Variants in C18orf63 observed in about 807,000 individuals in gnomAD.
C18orf63 encodes the protein chromosome 18 open reading frame 63.
In C18orf63, 50 loss-of-function variants were observed where a neutral mutation model predicts 75.3. That is an observed-to-expected ratio of 0.66 (90% CI 0.53 to 0.84). The LOEUF (loss-of-function observed/expected upper bound fraction) is 0.84, where lower values mean the gene tolerates loss of function less well. Among genes scored for constraint, C18orf63 ranks in the 40% least tolerant of loss-of-function variants. The pLI is 0.00. For missense variants in C18orf63, 732 were observed against 800.2 expected (o/e 0.91, Z 1.03); for synonymous variants, 232 against 267.6 (o/e 0.87, Z 1.30).
chr18:74,324,200 G>A (rs944529664), intron 4 of C18orf63, among the ~76,000 whole-genome samples: 13 of 152,310 alleles, frequency 8.5e-5, no homozygotes, highest in South Asian at 4.1e-4. Flanking sequence ...GTTTTGAACC[G>A]TGTGGTAGTA....
At chr18:74,329,373 C>CAAAAAAAA (rs5826314) in intron 6 of C18orf63, among the ~76,000 whole-genome samples, 1 of 94,326 alleles carries the variant, frequency 1.1e-5, no homozygotes, top group Non-Finnish European at 2.2e-5. Context: ...GACCCTATTT[C>CAAAAAAAA]AAAAAAAAAA....
chr18:74,341,642 G>T (rs923360131), intron 8 of C18orf63, among the ~76,000 whole-genome samples: 3 of 150,424 alleles, frequency 2.0e-5, no homozygotes, highest in African/African-American at 7.3e-5. Context: ...AGCTGAGATC[G>T]CACCACTGCC....
intron 10 of C18orf63, among the ~76,000 whole-genome samples, chr18:74,342,778 T>C (rs1455711727): frequency 2.0e-5 from 3 of 152,158 alleles, no homozygotes; most frequent in African/African-American, 7.2e-5. Flanking sequence ...TTGCACCCCA[T>C]TGACTTAAGA....
At chr18:74,318,089 C>T (rs1984057163) in intron 2 of C18orf63, 90 bp downstream of exon 2, 4 of 740,470 alleles carry the variant, frequency 5.4e-6, no homozygotes, top group Non-Finnish European at 7.7e-6. Context: ...GCAAAATACT[C>T]ATTCACTCAA....
chr18:74,323,086 GA>G (rs1984151985), intron 4 of C18orf63, among the ~76,000 whole-genome samples: 1 of 152,184 alleles, frequency 6.6e-6, no homozygotes, highest in Non-Finnish European at 1.5e-5. Context: ...AATATGTAGA[GA>G]AATAAAATAC....
chr18:74,346,639 C>A (rs1325561566), intron 11 of C18orf63, among the ~76,000 whole-genome samples: 5 of 152,164 alleles, frequency 3.3e-5, no homozygotes. Context: ...GTTGTTACAT[C>A]ATGCATGTTT....
chr18:74,329,331 G>A (rs1984263195), intron 6 of C18orf63, among the ~76,000 whole-genome samples: 1 of 140,998 alleles, frequency 7.1e-6, no homozygotes, highest in Non-Finnish European at 1.5e-5. Flanking sequence ...CCATGATTGT[G>A]CCACTGCATT....
intron 3 of C18orf63, among the ~76,000 whole-genome samples, chr18:74,321,433 T>C (rs1282410270): frequency 1.3e-5 from 2 of 151,896 alleles, no homozygotes; most frequent in Non-Finnish European, 2.9e-5. Flanking sequence ...GCCTCTCGAG[T>C]AGCTAGGACT....
In C18orf63 at chr18:74,319,134, C is replaced by T. The variant is rs538234698; in HGVS notation, c.134+1135C>T. 3.3e-4 allele frequency among the ~76,000 whole-genome samples: 51 copies of T among 152,286 alleles called. 1 individual carries two copies. The highest frequency in any genetic ancestry group is 6.9e-4 in the Non-Finnish European group (47 of 68,030). On this transcript the variant is annotated intron_variant, in intron 2 of 13. Transcript: ENST00000579455. ...TACCTGTTAAGGACTTAATCTGTGA[C>T]TCCTTTTGGAAATACTAAAATAGGT...
rs909469960 is a variant in C18orf63 at position 74,341,911 on chromosome 18, A to C, written c.612-121A>C. The stretch of plus-strand genomic sequence containing the variant: ...GTTTGAAACTTGAGATGTTTAGTTT[A>C]CTATATATAGCTAGTGAGATAGTTG... On this transcript the variant is annotated intron_variant, in intron 8 of 13. Coordinates refer to ENST00000579455, the MANE Select transcript of C18orf63 (RefSeq NM_001174123.2). 1.4e-5 allele frequency: 8 copies of C among 569,724 alleles called. No individual in the cohort carries two copies. The Admixed American group carries it at 2.6e-4, about 19-fold the overall frequency. 35.3% of individuals were successfully genotyped at this position (569,724 alleles called of 1,614,324 possible).
intron 4 of C18orf63, 40 bp from the exon 5 acceptor site, chr18:74,327,907 G>A (rs780346016): frequency 8.3e-7 from 1 of 1,202,518 alleles, no homozygotes; most frequent in South Asian, 1.3e-5. Flanking sequence ...CACAGCAATT[G>A]TTCTAAATTG....
At position 74,356,634 on chromosome 18, in the gene C18orf63, T is replaced by C. The variant is rs936070459; in HGVS notation, c.*187T>C. On this transcript the variant is annotated 3_prime_UTR_variant, in exon 14 of 14. Transcript: ENST00000579455. ...CATAGCATCTTGTTGTATGTGGGTT[T>C]CTGTATTTAACTAGTCCCCTATTGA... is the stretch of plus-strand genomic sequence containing the variant. The C allele has an allele frequency of 6.6e-6, 1 of 152,484 alleles. No individual in the cohort carries two copies. The highest frequency in any genetic ancestry group is 6.5e-5 in the Admixed American group (1 of 15,276). 9.4% of individuals were successfully genotyped at this position (152,484 alleles called of 1,614,324 possible). A position where few individuals can be genotyped will look rare whatever the true frequency, so the allele number is the denominator to read the frequency against.
Position 74,356,650 on chromosome 18 carries a change from C to A in C18orf63, c.*203C>A, listed in dbSNP as rs1291245275. 2.6e-4 allele frequency: 40 copies of A among 152,304 alleles called. No homozygotes were observed. The highest frequency in any genetic ancestry group is 2.6e-3 in the Admixed American group (40 of 15,256). 9.4% of individuals were successfully genotyped at this position (152,304 alleles called of 1,614,324 possible). The stretch of plus-strand genomic sequence containing the variant: ...ATGTGGGTTTCTGTATTTAACTAGT[C>A]CCCTATTGATAGACACTTCAGTTCT... On this transcript the variant is annotated 3_prime_UTR_variant, in exon 14 of 14. Coordinates refer to ENST00000579455, the MANE Select transcript of C18orf63 (RefSeq NM_001174123.2).
At chr18:74,343,778 G>GATAC in intron 11 of C18orf63, 76 bp downstream of exon 11, 1 of 951,580 alleles carries the variant, frequency 1.1e-6, no homozygotes, top group Non-Finnish European at 1.5e-6. Flanking sequence ...TTGTCTTCTG[G>GATAC]GGTGGAACAC....
chr18:74,341,499 G>A (rs1021535843), intron 8 of C18orf63, among the ~76,000 whole-genome samples: 3 of 152,028 alleles, frequency 2.0e-5, no homozygotes, highest in African/African-American at 7.3e-5. Context: ...GGCCAACATG[G>A]CAAAACCCTG....
intron 11 of C18orf63, among the ~76,000 whole-genome samples, chr18:74,349,214 A>G (rs1202713783): frequency 1.3e-5 from 2 of 152,166 alleles, no homozygotes; most frequent in Non-Finnish European, 2.9e-5. Context: ...ACGGAAAAAA[A>G]TTCAATCTGG....
intron 7 of C18orf63, among the ~76,000 whole-genome samples, chr18:74,333,223 C>T (rs1339377607): frequency 6.6e-6 from 1 of 152,072 alleles, no homozygotes; most frequent in African/African-American, 2.4e-5. Context: ...AGTGGAAAAA[C>T]CTTAGGCCTC....
At chr18:74,327,913 A>G in intron 4 of C18orf63, 34 bp from the exon 5 acceptor site, 1 of 1,285,456 alleles carries the variant, frequency 7.8e-7, no homozygotes, top group Non-Finnish European at 1.1e-6. Flanking sequence ...AATTGTTCTA[A>G]ATTGGCCCAT....
intron 11 of C18orf63, among the ~76,000 whole-genome samples, chr18:74,350,777 TG>T (rs1568240422): frequency 6.6e-6 from 1 of 152,206 alleles, no homozygotes; most frequent in Non-Finnish European, 1.5e-5. Flanking sequence ...GGGTTTTCTT[TG>T]CACCCCTTGA....
Sources: allele counts gnomAD v4.1 joint callset (sites outside exome capture counted in the v4.1 genomes callset), GRCh38; gene constraint gnomAD v4.1.1; transcripts MANE v1.5; gene names NCBI Gene and HGNC (gene_info 2026-07-23, HGNC 2026-07-21).